The following CHODL variants were observed in gnomAD, a reference collection of about 807,000 sequenced individuals.
CHODL encodes transmembrane protein MT75.
A neutral mutation model predicts 34.5 loss-of-function variants in CHODL; 29 were observed. The ratio of observed to expected loss-of-function variants is 0.84; its 90% CI spans 0.63 to 1.15. The LOEUF (loss-of-function observed/expected upper bound fraction) is 1.15, where lower values mean the gene tolerates loss of function less well. CHODL is among the 50% of genes most tolerant of loss of function. The pLI is 0.00. For synonymous variants in CHODL, 125 were observed against 116.1 expected, an observed-to-expected ratio of 1.08 and a Z score of -0.49; for missense variants, 332 against 332.5, an observed-to-expected ratio of 1.00 and a Z score of 0.01.
chr21:18,088,522 G>T (rs1027981961), intron 2 of CHODL, among the ~76,000 whole-genome samples: 1 of 152,256 alleles, frequency 6.6e-6, no homozygotes, highest in Non-Finnish European at 1.5e-5. Flanking sequence ...TGGGTCAAGG[G>T]TTTTTCTTGT....
At chr21:18,191,090 T>A (rs2146691622) in intron 2 of CHODL, among the ~76,000 whole-genome samples, 1 of 152,296 alleles carries the variant, frequency 6.6e-6, no homozygotes, top group African/African-American at 2.4e-5. Flanking sequence ...TAAAAGTTTT[T>A]AAAAATTTTA....
At position 18,061,781 on chromosome 21, in the gene CHODL, C is replaced by T. The variant is rs926133926; in HGVS notation, c.-45+33810C>T. 4.6e-5 allele frequency among the ~76,000 whole-genome samples: 7 copies of T among 152,088 alleles called. No homozygotes were observed. The East Asian group carries it at 9.7e-4, about 21-fold the overall frequency. On this transcript the variant is annotated intron_variant, in intron 2 of 6. Coordinates refer to the CHODL transcript ENST00000400127. ...GCAAAGATATTGCCATCTGAGAGAT[C>T]GAGATTTTGAATGTGATACTCAACT...
intron 1 of CHODL, among the ~76,000 whole-genome samples, chr21:18,009,842 C>G (rs158071): frequency 0.35 from 50,119 of 143,098 alleles, 10,446 homozygotes; most frequent in African/African-American, 0.6. Flanking sequence ...GAGCTGAGAT[C>G]GAGCCACTGC....
At chr21:18,237,008 C>T (rs1264330821) in intron 2 of CHODL, among the ~76,000 whole-genome samples, 5 of 152,102 alleles carry the variant, frequency 3.3e-5, no homozygotes, top group African/African-American at 4.8e-5. Context: ...ATAATTTATA[C>T]AGCTAACTAT....
At chr21:18,217,803 T>G (rs752042081) in intron 2 of CHODL, among the ~76,000 whole-genome samples, 3 of 152,092 alleles carry the variant, frequency 2.0e-5, no homozygotes, top group Non-Finnish European at 4.4e-5. Context: ...AGGCATTGGG[T>G]AAATACACCC....
chr21:18,145,090 A>T (rs1432420006), intron 2 of CHODL, among the ~76,000 whole-genome samples: 4 of 150,050 alleles, frequency 2.7e-5, no homozygotes, highest in Non-Finnish European at 5.9e-5. Context: ...TGTGTAGTAA[A>T]CAAGATGTTC....
chr21:18,201,929 T>G (rs1359773699), intron 2 of CHODL, among the ~76,000 whole-genome samples: 4 of 150,824 alleles, frequency 2.7e-5, no homozygotes, highest in African/African-American at 9.8e-5. Flanking sequence ...CTCAGCCTCC[T>G]GAGTAGTTGG....
intron 1 of CHODL, among the ~76,000 whole-genome samples, chr21:18,248,739 A>T (rs28565567): frequency 6.0e-4 from 71 of 117,376 alleles, no homozygotes; most frequent in Admixed American, 2.9e-3. Flanking sequence ...TATAATATAT[A>T]TGTATAATAT....
intron 1 of CHODL, among the ~76,000 whole-genome samples, chr21:18,251,498 A>AATATTTTATT (rs2074241423): frequency 4.2e-5 from 2 of 47,250 alleles, no homozygotes; most frequent in South Asian, 1.6e-3. Context: ...TATAAAATAA[A>AATATTTTATT]TATTTATTTT....
chr21:18,192,742 A>T (rs1040430519), intron 2 of CHODL, among the ~76,000 whole-genome samples: 1 of 152,186 alleles, frequency 6.6e-6, no homozygotes, highest in African/African-American at 2.4e-5. Flanking sequence ...TTATGTAAAT[A>T]AAATTATTTA....
chr21:18,123,908 C>T (rs1047801814), intron 2 of CHODL, among the ~76,000 whole-genome samples: 5 of 152,172 alleles, frequency 3.3e-5, no homozygotes, highest in African/African-American at 7.2e-5. Flanking sequence ...TGCAACCCGG[C>T]GCGGTGGCTC....
At chr21:18,152,081 T>C (rs1446725580) in intron 2 of CHODL, among the ~76,000 whole-genome samples, 1 of 152,042 alleles carries the variant, frequency 6.6e-6, no homozygotes, top group Non-Finnish European at 1.5e-5. Flanking sequence ...AGGAATTATT[T>C]CAGTCGAGTT....
intron 1 of CHODL, among the ~76,000 whole-genome samples, chr21:17,924,003 A>G (rs2063204206): frequency 6.6e-6 from 1 of 152,156 alleles, no homozygotes; most frequent in Non-Finnish European, 1.5e-5. Flanking sequence ...TTTCTTTGGA[A>G]GAGAAGGATG....
At position 17,949,921 on chromosome 21, in the gene CHODL, C is replaced by T. The variant is rs550788429; in HGVS notation, c.-145+32521C>T. ...CCAAGAGAACTTGTGGATTGAGGAA[C>T]ATCTGCAATTTCTTAAACAGAGAAA... On this transcript the variant is annotated intron_variant, in intron 1 of 6. Coordinates refer to the CHODL transcript ENST00000400127. Among the ~76,000 whole-genome samples, 6 of 152,190 alleles carry T rather than the reference C, an allele frequency of 3.9e-5. No homozygotes were observed. The East Asian group carries it at 1.2e-3, about 29-fold the overall frequency.
intron 2 of CHODL, among the ~76,000 whole-genome samples, chr21:18,123,010 C>T (rs760482539): frequency 1.3e-4 from 20 of 152,150 alleles, no homozygotes; most frequent in Non-Finnish European, 2.8e-4. Context: ...AAGCAGCTTT[C>T]GATGCTAAAG....
At chr21:17,935,274 T>C (rs376744680) in intron 1 of CHODL, among the ~76,000 whole-genome samples, 1 of 152,204 alleles carries the variant, frequency 6.6e-6, no homozygotes, top group Non-Finnish European at 1.5e-5. Context: ...ACACAGATTA[T>C]CATAATCATT....
chr21:18,115,532 A>G (rs2065401766), intron 2 of CHODL, among the ~76,000 whole-genome samples: 1 of 152,192 alleles, frequency 6.6e-6, no homozygotes, highest in Non-Finnish European at 1.5e-5. Context: ...GAAAACTTGT[A>G]GACAGCCAAA....
intron 1 of CHODL, among the ~76,000 whole-genome samples, chr21:18,016,155 A>C (rs894055767): frequency 1.3e-5 from 2 of 152,262 alleles, no homozygotes; most frequent in Non-Finnish European, 2.9e-5. Flanking sequence ...CCTTCATGGC[A>C]GCCCATCCTG....
chr21:17,984,376 G>A (rs1232719000), intron 1 of CHODL, among the ~76,000 whole-genome samples: 1 of 152,040 alleles, frequency 6.6e-6, no homozygotes, highest in South Asian at 2.1e-4. Flanking sequence ...AAATCCTTTG[G>A]ATCCACACCC....
Sources: gnomAD v4.1 joint callset for allele counts (sites outside exome capture counted in the v4.1 genomes callset) on GRCh38, gnomAD v4.1.1 for gene constraint, MANE v1.5 for transcripts, NCBI Gene and HGNC (gene_info 2026-07-23, HGNC 2026-07-21) for gene names.